The following VRK1 variants were observed in gnomAD, a reference collection of about 807,000 sequenced individuals.
VRK1 encodes the protein serine/threonine-protein kinase VRK1.
A neutral mutation model predicts 57.1 loss-of-function variants in VRK1; 33 were observed. That is an observed-to-expected ratio of 0.58 (90% confidence interval 0.44 to 0.77). The LOEUF (loss-of-function observed/expected upper bound fraction) is 0.77. VRK1 is among the 30% of genes least tolerant of loss of function. The probability of loss-of-function intolerance (pLI) is 0.00; values close to 1 mark genes in which losing one functional copy is unlikely to be tolerated. For missense variants in VRK1, 413 were observed against 477.3 expected, an observed-to-expected ratio of 0.87 and a Z score of 1.25; for synonymous variants, 137 against 147.8, an observed-to-expected ratio of 0.93 and a Z score of 0.53.
intron 11 of VRK1, 32 bp downstream of exon 11, chr14:96,860,767 T>C (rs1425974533): frequency 6.2e-7 from 1 of 1,606,882 alleles, no homozygotes; most frequent in South Asian, 1.1e-5. Context: ...TTCTTTGGTC[T>C]TCTTGTGTTT....
chr14:96,854,796 A>G (rs74076160), intron 7 of VRK1, among the ~76,000 whole-genome samples: 3,690 of 152,270 alleles, frequency 0.024, 144 homozygotes, highest in African/African-American at 0.084. Context: ...TGTCAGCATC[A>G]TTAGCAGTCT....
At chr14:96,850,493 T>A (rs1887906331) in intron 5 of VRK1, among the ~76,000 whole-genome samples, 1 of 152,208 alleles carries the variant, frequency 6.6e-6, no homozygotes, top group African/African-American at 2.4e-5. Context: ...GGTAATGGTT[T>A]CTGTGAAATT....
At chr14:96,857,638 T>C (rs1425753598) in intron 10 of VRK1, among the ~76,000 whole-genome samples, 1 of 152,218 alleles carries the variant, frequency 6.6e-6, no homozygotes, top group Non-Finnish European at 1.5e-5. Flanking sequence ...AAGAGGCCAC[T>C]GCAGTAACCC....
At chr14:96,815,541 A>G (rs1427631599) in intron 1 of VRK1, among the ~76,000 whole-genome samples, 1 of 152,118 alleles carries the variant, frequency 6.6e-6, no homozygotes, top group Non-Finnish European at 1.5e-5. Flanking sequence ...AGGAAAATAT[A>G]TCAGTTAAAT....
intron 1 of VRK1, among the ~76,000 whole-genome samples, chr14:96,813,408 A>G (rs1392376014): frequency 2.0e-5 from 3 of 152,326 alleles, no homozygotes; most frequent in Admixed American, 1.3e-4. Flanking sequence ...GTTTTGGACT[A>G]GAATCTAGAA....
intron 1 of VRK1, among the ~76,000 whole-genome samples, chr14:96,811,223 G>C (rs796096097): frequency 4.6e-5 from 7 of 152,174 alleles, no homozygotes; most frequent in Admixed American, 1.3e-4. Context: ...GAGCCACCGC[G>C]CCCAGCCTCT....
chr14:96,871,810 AATTTTTATTTTT>A (rs893333439), intron 11 of VRK1, among the ~76,000 whole-genome samples: 2 of 152,020 alleles, frequency 1.3e-5, no homozygotes, highest in African/African-American at 4.8e-5. Context: ...AATTCTAGCA[AATTTTTATTTTT>A]ATTTTTATTT....
intron 3 of VRK1, among the ~76,000 whole-genome samples, chr14:96,845,443 A>G (rs1887642659): frequency 1.3e-5 from 2 of 152,204 alleles, no homozygotes; most frequent in South Asian, 4.1e-4. Context: ...AATTGTTAAT[A>G]TCTCTAAAAA....
chr14:96,821,769 G>T (rs1221375956), intron 1 of VRK1, among the ~76,000 whole-genome samples: 2 of 152,012 alleles, frequency 1.3e-5, no homozygotes, highest in African/African-American at 4.8e-5. Context: ...TGAGTGTTGG[G>T]CATGTTCTCC....
intron 5 of VRK1, among the ~76,000 whole-genome samples, chr14:96,850,839 C>T (rs949794863): frequency 6.6e-6 from 1 of 152,178 alleles, no homozygotes; most frequent in Admixed American, 6.5e-5. Context: ...AATGGGAAAT[C>T]CAAAATGCTC....
At chr14:96,818,928 T>A (rs1457631523) in intron 1 of VRK1, among the ~76,000 whole-genome samples, 1 of 152,204 alleles carries the variant, frequency 6.6e-6, no homozygotes, top group Non-Finnish European at 1.5e-5. Context: ...CAAGATTCTG[T>A]ATTTTATTTT....
chr14:96,831,807 A>AC (rs1346989474), intron 1 of VRK1, among the ~76,000 whole-genome samples: 9 of 152,214 alleles, frequency 5.9e-5, no homozygotes, highest in Admixed American at 1.3e-4. Flanking sequence ...TGATTTGATA[A>AC]AGTGGGTTGA....
intron 1 of VRK1, among the ~76,000 whole-genome samples, chr14:96,822,750 A>G (rs1886650961): frequency 6.6e-6 from 1 of 152,206 alleles, no homozygotes; most frequent in Non-Finnish European, 1.5e-5. Context: ...AGTGTTGTGA[A>G]CTACAATGCA....
chr14:96,872,176 C>T (rs181859994), intron 11 of VRK1, among the ~76,000 whole-genome samples: 13 of 152,314 alleles, frequency 8.5e-5, no homozygotes, highest in African/African-American at 3.1e-4. Flanking sequence ...CATTTCCTAA[C>T]TCTCCATCTT....
At chr14:96,857,228 G>A (rs934408107) in intron 10 of VRK1, among the ~76,000 whole-genome samples, 4 of 152,114 alleles carry the variant, frequency 2.6e-5, no homozygotes, top group Non-Finnish European at 5.9e-5. Context: ...GGTTAGTACT[G>A]TGGAACTAGA....
chr14:96,877,126 G>A (rs1323795913), intron 12 of VRK1, among the ~76,000 whole-genome samples: 1 of 150,296 alleles, frequency 6.7e-6, no homozygotes, highest in Non-Finnish European at 1.5e-5. Context: ...GTTGCTAACA[G>A]AAAAGGCTTA....
intron 3 of VRK1, among the ~76,000 whole-genome samples, chr14:96,845,652 A>G (rs751130713): frequency 2.0e-5 from 3 of 152,150 alleles, no homozygotes; most frequent in Non-Finnish European, 2.9e-5. Flanking sequence ...AAGTAGATAT[A>G]AGTGTAATGA....
chr14:96,821,481 T>C (rs1158374341), intron 1 of VRK1, among the ~76,000 whole-genome samples: 1 of 152,226 alleles, frequency 6.6e-6, no homozygotes, highest in African/African-American at 2.4e-5. Flanking sequence ...CTTAGGTTAT[T>C]CTATACCCCT....
At chr14:96,861,367 AT>A (rs1302129650) in intron 11 of VRK1, among the ~76,000 whole-genome samples, 2 of 152,134 alleles carry the variant, frequency 1.3e-5, no homozygotes, top group Non-Finnish European at 2.9e-5. Context: ...GCTATTGATT[AT>A]TTTTGATAAT....
Sources: allele counts gnomAD v4.1 joint callset (sites outside exome capture counted in the v4.1 genomes callset), GRCh38; gene constraint gnomAD v4.1.1; transcripts MANE v1.5; gene names NCBI Gene and HGNC (gene_info 2026-07-23, HGNC 2026-07-21).